The following RSU1 variants were observed in gnomAD, a reference collection of about 807,000 sequenced individuals.
RSU1 encodes the protein Ras suppressor protein 1, also known as rsu-1.
Under a neutral mutation model 31.1 loss-of-function variants are expected in RSU1, and 26 were observed. That is an observed-to-expected ratio of 0.84 (90% CI 0.61 to 1.16). RSU1 has a LOEUF of 1.16. RSU1 is among the 50% of genes most tolerant of loss of function. The pLI, the probability that RSU1 is intolerant of heterozygous loss-of-function variation, is 0.00. For synonymous variants in RSU1, 164 were observed against 136.3 expected (o/e 1.20, Z -1.41); for missense variants, 320 against 339.1 (o/e 0.94, Z 0.44).
rs188588469 is a variant in RSU1, at chr10:16,713,661, A to G, written c.599-18506T>C. 2.7e-3 allele frequency among the ~76,000 whole-genome samples: 406 copies of G among 152,206 alleles called. 3 individuals are homozygous for G. The highest frequency in any genetic ancestry group is 0.016 in the South Asian group (78 of 4,818). On this transcript the variant is annotated intron_variant, in intron 7 of 8. Coordinates refer to ENST00000345264, the MANE Select transcript of RSU1 (RefSeq NM_012425.4). ...CCATGAGTTTCCTTAAGATTATCTT[A>G]TTTTCAGGCATTTCATAAATGTCCT...
chr10:16,752,478 T>C, intron 7 of RSU1, 61 bp downstream of exon 7: 1 of 1,234,366 alleles, frequency 8.1e-7, no homozygotes, highest in Non-Finnish European at 1.2e-6. Flanking sequence ...TCAGAATTGC[T>C]ACATTAGGAT....
At chr10:16,671,540 C>A (rs1835104489) in intron 8 of RSU1, among the ~76,000 whole-genome samples, 1 of 152,134 alleles carries the variant, frequency 6.6e-6, no homozygotes, top group Non-Finnish European at 1.5e-5. Flanking sequence ...CCTTAATCTC[C>A]TGGGCTCAAG....
intron 8 of RSU1, among the ~76,000 whole-genome samples, chr10:16,683,344 A>G (rs1835372373): frequency 1.3e-5 from 2 of 152,220 alleles, no homozygotes; most frequent in Non-Finnish European, 2.9e-5. Context: ...GCATTTGAGT[A>G]ACAATAAATA....
chr10:16,629,426 G>C (rs987984533), intron 8 of RSU1, among the ~76,000 whole-genome samples: 8 of 152,148 alleles, frequency 5.3e-5, no homozygotes, highest in African/African-American at 1.9e-4. Context: ...GAGGCTCTGA[G>C]TCTGTTTAAA....
intron 8 of RSU1, among the ~76,000 whole-genome samples, chr10:16,660,400 C>T (rs1834865875): frequency 1.3e-5 from 2 of 152,146 alleles, no homozygotes; most frequent in Non-Finnish European, 2.9e-5. Context: ...CTTCAAACAG[C>T]ATCCATGAAA....
At chr10:16,777,099 T>A (rs1837549535) in intron 3 of RSU1, among the ~76,000 whole-genome samples, 1 of 152,100 alleles carries the variant, frequency 6.6e-6, no homozygotes, top group African/African-American at 2.4e-5. Flanking sequence ...CAGAATGCAA[T>A]TCATTTCCTG....
At chr10:16,679,957 C>G (rs1835299648) in intron 8 of RSU1, among the ~76,000 whole-genome samples, 1 of 150,340 alleles carries the variant, frequency 6.7e-6, no homozygotes, top group African/African-American at 2.5e-5. Flanking sequence ...TCTTGGCTCA[C>G]CGCAATCTCT....
At chr10:16,754,645 T>A (rs1837047142) in intron 5 of RSU1, among the ~76,000 whole-genome samples, 2 of 151,802 alleles carry the variant, frequency 1.3e-5, no homozygotes, top group African/African-American at 2.4e-5. Context: ...TCTCTCAGAA[T>A]GTTAATATGA....
chr10:16,629,915 T>G (rs1288595029), intron 8 of RSU1, among the ~76,000 whole-genome samples: 2 of 152,164 alleles, frequency 1.3e-5, no homozygotes, highest in African/African-American at 4.8e-5. Flanking sequence ...TAGACAAAAC[T>G]TATTTTTTAT....
chr10:16,734,308 A>G (rs933218703), intron 7 of RSU1, among the ~76,000 whole-genome samples: 2 of 152,184 alleles, frequency 1.3e-5, no homozygotes, highest in African/African-American at 4.8e-5. Flanking sequence ...AATACCTATA[A>G]CTTCCTGCAC....
chr10:16,786,997 G>T (rs1035786751), intron 2 of RSU1, among the ~76,000 whole-genome samples: 4 of 152,066 alleles, frequency 2.6e-5, no homozygotes, highest in Non-Finnish European at 1.5e-5. Context: ...GGATCGGATC[G>T]ATGCCTTACA....
At chr10:16,722,491 C>A (rs1836286919) in intron 7 of RSU1, among the ~76,000 whole-genome samples, 1 of 152,062 alleles carries the variant, frequency 6.6e-6, no homozygotes, top group Admixed American at 6.6e-5. Context: ...AGGTCTGTTA[C>A]AATGTGAGGT....
intron 7 of RSU1, among the ~76,000 whole-genome samples, chr10:16,719,306 T>TCAAAAA (rs1836207699): frequency 6.6e-6 from 1 of 152,088 alleles, no homozygotes; most frequent in Non-Finnish European, 1.5e-5. Context: ...AAACTCCATC[T>TCAAAAA]CAAAAACAAA....
At chr10:16,648,935 T>G (rs1269674678) in intron 8 of RSU1, among the ~76,000 whole-genome samples, 2 of 152,148 alleles carry the variant, frequency 1.3e-5, no homozygotes, top group Non-Finnish European at 2.9e-5. Flanking sequence ...AGGATTTCAT[T>G]TATTTATAAA....
intron 7 of RSU1, among the ~76,000 whole-genome samples, chr10:16,700,511 G>A (rs60891929): frequency 0.03 from 4,604 of 152,154 alleles, 115 homozygotes; most frequent in East Asian, 0.14. Flanking sequence ...AAATGACTCC[G>A]ATACAAAATA....
chr10:16,696,266 C>T (rs1835674577), intron 7 of RSU1, among the ~76,000 whole-genome samples: 1 of 152,172 alleles, frequency 6.6e-6, no homozygotes, highest in South Asian at 2.1e-4. Context: ...CCAGGTTCTA[C>T]TGCCTATGTT....
At chr10:16,687,478 A>G (rs1168653238) in intron 8 of RSU1, among the ~76,000 whole-genome samples, 4 of 152,230 alleles carry the variant, frequency 2.6e-5, no homozygotes, top group Non-Finnish European at 4.4e-5. Context: ...GTTACCTGTG[A>G]AGTATATATG....
intron 3 of RSU1, among the ~76,000 whole-genome samples, chr10:16,769,572 G>A (rs755556415): frequency 2.1e-4 from 32 of 152,288 alleles, no homozygotes; most frequent in Non-Finnish European, 3.8e-4. Context: ...ACAGATGGAG[G>A]GGTATCCCGG....
chr10:16,672,008 G>C (rs1835113988), intron 8 of RSU1, among the ~76,000 whole-genome samples: 1 of 151,264 alleles, frequency 6.6e-6, no homozygotes, highest in African/African-American at 2.4e-5. Context: ...TACTTAAAAA[G>C]GTAAATCTGG....
Sources: gnomAD v4.1 joint callset for allele counts (sites outside exome capture counted in the v4.1 genomes callset) on GRCh38, gnomAD v4.1.1 for gene constraint, MANE v1.5 for transcripts, NCBI Gene and HGNC (gene_info 2026-07-23, HGNC 2026-07-21) for gene names.